Variants in CACNA2D3 observed in about 807,000 individuals in gnomAD.
CACNA2D3 encodes the protein calcium voltage-gated channel auxiliary subunit alpha2delta 3.
Under a neutral mutation model 160.6 loss-of-function variants are expected in CACNA2D3, and 60 were observed. That is an observed-to-expected ratio of 0.37 (90% CI 0.30 to 0.46). The LOEUF is 0.46. Ranked by LOEUF, CACNA2D3 falls within the 20% of genes least tolerant of loss-of-function variation. The probability of loss-of-function intolerance (pLI) is 1.00; values close to 1 mark genes in which losing one functional copy is unlikely to be tolerated. For synonymous variants in CACNA2D3, 558 were observed against 492.9 expected (o/e 1.13, Z -1.75); for missense variants, 1,205 against 1,365.0 (o/e 0.88, Z 1.85).
At chr3:55,004,016 A>G (rs1703036551) in intron 31 of CACNA2D3, among the ~76,000 whole-genome samples, 1 of 152,224 alleles carries the variant, frequency 6.6e-6, no homozygotes, top group African/African-American at 2.4e-5. Context: ...GCTACCAGAA[A>G]TTGCCATTCA....
At chr3:54,475,653 A>C (rs1275215908) in intron 4 of CACNA2D3, among the ~76,000 whole-genome samples, 1 of 152,140 alleles carries the variant, frequency 6.6e-6, no homozygotes, top group East Asian at 1.9e-4. Flanking sequence ...TAAGAGTCAA[A>C]CTGCTTGCCA....
chr3:54,989,773 G>T (rs1038553471), intron 31 of CACNA2D3, among the ~76,000 whole-genome samples: 2 of 152,176 alleles, frequency 1.3e-5, no homozygotes, highest in African/African-American at 4.8e-5. Flanking sequence ...GTCGATCTTT[G>T]TTCTGTCTTG....
intron 21 of CACNA2D3, among the ~76,000 whole-genome samples, chr3:54,883,404 A>G (rs1201176582): frequency 6.6e-6 from 1 of 152,192 alleles, no homozygotes; most frequent in Non-Finnish European, 1.5e-5. Flanking sequence ...AGTTCCAGTC[A>G]TCAGTGGATA....
At chr3:54,234,878 G>A (rs1701844855) in intron 2 of CACNA2D3, among the ~76,000 whole-genome samples, 1 of 152,094 alleles carries the variant, frequency 6.6e-6, no homozygotes, top group African/African-American at 2.4e-5. Context: ...GGTGAGAGGA[G>A]GAAGAGGAGC....
At chr3:54,273,636 G>C (rs968587360) in intron 2 of CACNA2D3, among the ~76,000 whole-genome samples, 1 of 152,148 alleles carries the variant, frequency 6.6e-6, no homozygotes, top group East Asian at 1.9e-4. Flanking sequence ...CTCACAACAC[G>C]GACAGCAGGA....
intron 4 of CACNA2D3, among the ~76,000 whole-genome samples, chr3:54,464,514 A>C (rs1358789366): frequency 2.0e-5 from 3 of 152,188 alleles, no homozygotes; most frequent in Admixed American, 1.3e-4. Context: ...GCCACCTTGC[A>C]GTTTGATCTC....
At position 54,925,176 on chromosome 3, in the gene CACNA2D3, T is replaced by G. The variant is rs780640191; in HGVS notation, c.2449+25308T>G. 3.1e-6 allele frequency: 5 copies of G among 1,613,914 alleles called. No individual in the cohort carries two copies. The African/African-American group carries it at 6.7e-5, about 22-fold the overall frequency. Reference sequence around the variant, plus strand: ...CTTGTCCGGGCAGCTGCATACCACCTGGAGCAGGACAATCACACTGGAAAA... The same window carrying G: ...CTTGTCCGGGCAGCTGCATACCACCGGGAGCAGGACAATCACACTGGAAAA... On this transcript the variant is annotated intron_variant, in intron 27 of 37. Coordinates refer to ENST00000474759, the MANE Select transcript of CACNA2D3 (RefSeq NM_018398.3).
At chr3:54,128,587 TATG>T (rs953934567) in intron 2 of CACNA2D3, among the ~76,000 whole-genome samples, 2 of 152,212 alleles carry the variant, frequency 1.3e-5, no homozygotes, top group African/African-American at 4.8e-5. Flanking sequence ...TCATAGATGC[TATG>T]ATGCCAACAA....
intron 8 of CACNA2D3, among the ~76,000 whole-genome samples, chr3:54,572,994 G>A (rs751567790): frequency 1.4e-4 from 21 of 151,942 alleles, no homozygotes; most frequent in Non-Finnish European, 2.9e-4. Flanking sequence ...AAGAAGAGAG[G>A]GTGACTAAGA....
At chr3:54,784,782 A>G (rs993009064) in intron 13 of CACNA2D3, among the ~76,000 whole-genome samples, 21 of 152,156 alleles carry the variant, frequency 1.4e-4, no homozygotes, top group African/African-American at 4.8e-4. Context: ...AGGGGACCTG[A>G]CCCCAGATGG....
At chr3:54,940,802 A>G (rs1198717379) in intron 27 of CACNA2D3, among the ~76,000 whole-genome samples, 3 of 152,076 alleles carry the variant, frequency 2.0e-5, no homozygotes, top group African/African-American at 7.2e-5. Flanking sequence ...TTTTTGGTGG[A>G]ATTTTTCTGA....
chr3:54,300,296 C>T (rs1047752662), intron 2 of CACNA2D3, among the ~76,000 whole-genome samples: 13 of 152,188 alleles, frequency 8.5e-5, no homozygotes, highest in African/African-American at 2.7e-4. Flanking sequence ...GGATGTGATG[C>T]CCTGTCACCA....
At chr3:54,880,516 T>G (rs1355066760) in intron 20 of CACNA2D3, among the ~76,000 whole-genome samples, 1 of 152,162 alleles carries the variant, frequency 6.6e-6, no homozygotes, top group Admixed American at 6.5e-5. Context: ...AGAGAAGGGC[T>G]TGCTGGAAGG....
chr3:54,456,146 G>T (rs980779621), intron 4 of CACNA2D3, among the ~76,000 whole-genome samples: 1 of 152,024 alleles, frequency 6.6e-6, no homozygotes, highest in Admixed American at 6.6e-5. Flanking sequence ...GGGTAGTATG[G>T]TCATTTTAAC....
chr3:54,286,472 T>C (rs1192881434), intron 2 of CACNA2D3, among the ~76,000 whole-genome samples: 17 of 152,156 alleles, frequency 1.1e-4, no homozygotes, highest in African/African-American at 9.7e-5. Context: ...CTGATAGTGA[T>C]GGGGAGAATG....
chr3:54,593,515 A>C (rs1296525402), intron 9 of CACNA2D3, among the ~76,000 whole-genome samples: 1 of 152,180 alleles, frequency 6.6e-6, no homozygotes, highest in African/African-American at 2.4e-5. Flanking sequence ...ATATTTCTCC[A>C]CTGTTAGCGT....
intron 4 of CACNA2D3, among the ~76,000 whole-genome samples, chr3:54,436,384 T>C (rs927494922): frequency 1.3e-5 from 2 of 152,202 alleles, no homozygotes; most frequent in Non-Finnish European, 2.9e-5. Flanking sequence ...TCCTCAGGGA[T>C]CTAGAACCAG....
At chr3:54,194,141 A>G (rs1374135056) in intron 2 of CACNA2D3, among the ~76,000 whole-genome samples, 3 of 152,176 alleles carry the variant, frequency 2.0e-5, no homozygotes, top group East Asian at 1.9e-4. Context: ...ATTAAAAGGA[A>G]TATGTTCTAA....
At chr3:54,564,731 GA>G (rs1029721082) in intron 6 of CACNA2D3, among the ~76,000 whole-genome samples, 2 of 152,160 alleles carry the variant, frequency 1.3e-5, no homozygotes, top group Non-Finnish European at 2.9e-5. Context: ...ATAAAATCAT[GA>G]ACTAGACAAA....
Sources: allele counts gnomAD v4.1 joint callset (sites outside exome capture counted in the v4.1 genomes callset), GRCh38; gene constraint gnomAD v4.1.1; transcripts MANE v1.5; gene names NCBI Gene and HGNC (gene_info 2026-07-23, HGNC 2026-07-21).